The following SPRED1 variants were observed in gnomAD, a reference collection of about 807,000 sequenced individuals.
SPRED1 encodes sprouty-related, EVH1 domain-containing protein 1.
A neutral mutation model predicts 52.3 loss-of-function variants in SPRED1; 18 were observed. That is an observed-to-expected ratio of 0.34 (90% CI 0.24 to 0.51). The LOEUF is 0.51. Among genes scored for constraint, SPRED1 ranks in the 20% least tolerant of loss-of-function variants. SPRED1 has a pLI of 0.97. For missense variants in SPRED1, 485 were observed against 551.0 expected (o/e 0.88, Z 1.20); for synonymous variants, 155 against 179.7 (o/e 0.86, Z 1.10).
rs116024334 is a variant in SPRED1 at position 38,329,686 on chromosome 15, G to C, written c.423+4877G>C. On this transcript the variant is annotated intron_variant, in intron 4 of 6. Coordinates refer to ENST00000299084, the MANE Select transcript of SPRED1 (RefSeq NM_152594.3). ...TCTTAGACTAATATGTGCATATTTC[G>C]AAAATTACAAAGACAAAATTAGGAA... 7.5e-3 allele frequency among the ~76,000 whole-genome samples: 1,141 copies of C among 152,074 alleles called. 14 individuals carry two copies. Among genetic ancestry groups the C allele is most frequent in the African/African-American group, 0.026 (1,089 of 41,514 alleles).
chr15:38,323,223 C>T (rs1895639689), intron 3 of SPRED1, among the ~76,000 whole-genome samples: 1 of 152,032 alleles, frequency 6.6e-6, no homozygotes, highest in Non-Finnish European at 1.5e-5. Context: ...CAGGCAAGAA[C>T]ATGGAAATAC....
Position 38,347,461 on chromosome 15 carries a change from CTTTTTT to C in SPRED1, c.583-1942_583-1937del, listed in dbSNP as rs3075337. Among the ~76,000 whole-genome samples, 699 of 93,270 alleles carry C rather than the reference CTTTTTT, an allele frequency of 7.5e-3. 4 individuals are homozygous for C. The highest frequency in any genetic ancestry group is 0.017 in the South Asian group (43 of 2,520). The allele number at this position is 93,270 out of a possible 152,430, so 61.2% of individuals were successfully genotyped here. ...CCTAACTTTGTTTTCCCGCTTGGAT[CTTTTTT>C]TTTTTTTTTTTTTTTTTTCAATTTG... is the stretch of plus-strand genomic sequence containing the variant. On this transcript the variant is annotated intron_variant, in intron 5 of 6. Transcript: ENST00000299084.
In SPRED1 at chr15:38,356,100, G is replaced by A. The variant is rs191601293; in HGVS notation, c.*4436G>A. Reference sequence around the variant, plus strand: ...AGAATAAACTAGTTGAAAAGTCTTTGTATTAAAAATACACATAGATTTTTG... The same window carrying A: ...AGAATAAACTAGTTGAAAAGTCTTTATATTAAAAATACACATAGATTTTTG... On this transcript the variant is annotated 3_prime_UTR_variant, in exon 7 of 7. Transcript: ENST00000299084. The A allele has an allele frequency of 2.6e-5, 4 of 152,162 alleles. No individual in the cohort carries two copies. The East Asian group carries it at 7.7e-4, about 29-fold the overall frequency. 9.4% of individuals were successfully genotyped at this position (152,162 alleles called of 1,614,324 possible).
Position 38,351,206 on chromosome 15 carries a change from C to G in SPRED1, c.877C>G (p.Leu293Val), listed in dbSNP as rs1888476201. 1 of 1,614,132 alleles carries G rather than the reference C, an allele frequency of 6.2e-7. No individual in the cohort carries two copies. The change falls in exon 7 of 7, where the codon CTG becomes GTG. Residue 293 changes from leucine (L) to valine (V), a missense_variant. Leu to Val is a conservative substitution (Grantham distance 32, BLOSUM62 1). Around this residue, in one of 5 missense-constraint regions of SPRED1, gnomAD observed 205 missense variants for 245.2 expected, o/e 0.84. Transcript: ENST00000299084. The stretch of plus-strand genomic sequence containing the variant: ...ACCAGACAGTAAAAAATCAGACTAT[C>G]TGTACTCTTGTGGGGATGAGACTAA... Reference protein sequence around the residue: ...SKPDSKKSDYLYSCGDETKLS... With the variant: ...SKPDSKKSDYVYSCGDETKLS...
chr15:38,313,831 T>C (rs2140988697), intron 2 of SPRED1, among the ~76,000 whole-genome samples: 1 of 151,938 alleles, frequency 6.6e-6, no homozygotes, highest in Non-Finnish European at 1.5e-5. Flanking sequence ...TGATTTTCAC[T>C]CTAAGCTTTT....
At chr15:38,292,504 A>G (rs972596659) in intron 1 of SPRED1, among the ~76,000 whole-genome samples, 6 of 152,316 alleles carry the variant, frequency 3.9e-5, no homozygotes, top group Admixed American at 6.5e-5. Context: ...TAACAATTCC[A>G]CAGGGCTGGG....
At chr15:38,298,332 G>A (rs148373196) in intron 1 of SPRED1, among the ~76,000 whole-genome samples, 204 of 152,140 alleles carry the variant, frequency 1.3e-3, no homozygotes, top group African/African-American at 4.6e-3. Context: ...CCTGTGACCC[G>A]TTAATTCCAC....
At chr15:38,349,275 G>T in intron 5 of SPRED1, 147 bp from the exon 6 acceptor site, 1 of 608,536 alleles carries the variant, frequency 1.6e-6, no homozygotes, top group Non-Finnish European at 3.0e-6. Context: ...TGTTTTAGGT[G>T]GGGGGAAATG....
intron 1 of SPRED1, among the ~76,000 whole-genome samples, chr15:38,293,060 G>C (rs1399460887): frequency 1.4e-5 from 2 of 147,842 alleles, no homozygotes; most frequent in Admixed American, 6.7e-5. Flanking sequence ...ACCAGGAATA[G>C]GGATATAGAG....
chr15:38,340,582 G>A (rs1896008525), intron 5 of SPRED1, among the ~76,000 whole-genome samples: 2 of 151,874 alleles, frequency 1.3e-5, no homozygotes, highest in South Asian at 4.2e-4. Context: ...GCCCAGGCTG[G>A]AGTGCAGTGG....
At chr15:38,286,858 A>G (rs1266069875) in intron 1 of SPRED1, among the ~76,000 whole-genome samples, 3 of 152,080 alleles carry the variant, frequency 2.0e-5, no homozygotes, top group African/African-American at 7.2e-5. Flanking sequence ...GACTTTGTAA[A>G]AATAATGTTG....
At chr15:38,315,421 A>C (rs1457872765) in intron 2 of SPRED1, among the ~76,000 whole-genome samples, 2 of 151,958 alleles carry the variant, frequency 1.3e-5, no homozygotes, top group African/African-American at 4.8e-5. Context: ...TTAGTGAAAC[A>C]AAATGCACTT....
chr15:38,330,575 C>T (rs1895788080), intron 4 of SPRED1, among the ~76,000 whole-genome samples: 1 of 151,996 alleles, frequency 6.6e-6, no homozygotes. Context: ...GGTTCCTAAG[C>T]TAGCATAATT....
At position 38,355,545 on chromosome 15, in the gene SPRED1, G is replaced by A. The variant is rs1243301649; in HGVS notation, c.*3881G>A. ...ATGTGCTTTCCTCTAAATGGTCAAT[G>A]TAAAGAATCTTAAGGATATTTCTTG... On this transcript the variant is annotated 3_prime_UTR_variant, in exon 7 of 7. Coordinates refer to ENST00000299084, the MANE Select transcript of SPRED1 (RefSeq NM_152594.3). The A allele has an allele frequency of 6.6e-6, 1 of 152,152 alleles. No homozygotes were observed. The highest frequency in any genetic ancestry group is 2.4e-5 in the African/African-American group (1 of 41,416). 9.4% of individuals were successfully genotyped at this position (152,152 alleles called of 1,614,324 possible).
In SPRED1 at chr15:38,352,373, A is replaced by G. The variant is rs912409009; in HGVS notation, c.*709A>G. ...TTATTTCTCTTTGGCTACAATTTAT[A>G]TTGAGTTATATCTGTACATTCTGGT... On this transcript the variant is annotated 3_prime_UTR_variant, in exon 7 of 7. Transcript: ENST00000299084. The G allele has an allele frequency of 1.3e-5, 2 of 152,380 alleles. No homozygotes were observed. Among genetic ancestry groups the G allele is most frequent in the African/African-American group, 4.8e-5 (2 of 41,374 alleles). The allele number at this position is 152,380 out of a possible 1,614,324, so 9.4% of individuals were successfully genotyped here.
chr15:38,266,570 AAG>A (rs1894310949), intron 1 of SPRED1, among the ~76,000 whole-genome samples: 1 of 152,156 alleles, frequency 6.6e-6, no homozygotes, highest in Non-Finnish European at 1.5e-5. Context: ...TGAACCCGGG[AAG>A]CTGAGGTTGC....
intron 2 of SPRED1, among the ~76,000 whole-genome samples, chr15:38,301,885 T>A (rs368019533): frequency 1.4e-4 from 20 of 144,652 alleles, no homozygotes; most frequent in African/African-American, 3.8e-4. Flanking sequence ...TTTTTTTTTT[T>A]AAAGAAGTAT....
intron 5 of SPRED1, among the ~76,000 whole-genome samples, chr15:38,341,906 A>G (rs10852018): frequency 0.96 from 145,660 of 152,026 alleles, 70,067 homozygotes; most frequent in East Asian, 1. Flanking sequence ...TTGCCTAAAA[A>G]TACTTTTTTG....
At chr15:38,336,840 C>T (rs532963332) in intron 4 of SPRED1, among the ~76,000 whole-genome samples, 2 of 152,184 alleles carry the variant, frequency 1.3e-5, no homozygotes, top group African/African-American at 4.8e-5. Flanking sequence ...ACAGTGTACA[C>T]TGTTTGGGTG....
Sources: gnomAD v4.1 joint callset for allele counts (sites outside exome capture counted in the v4.1 genomes callset) on GRCh38, gnomAD v4.1.1 for gene constraint, gnomAD v4.1.1 regional missense constraint, MANE v1.5 for transcripts, NCBI Gene and HGNC (gene_info 2026-07-23, HGNC 2026-07-21) for gene names.